TRIM29: variants seen among roughly 807,000 people sequenced by gnomAD.
TRIM29 encodes tripartite motif-containing protein 29.
Under a neutral mutation model 57.3 loss-of-function variants are expected in TRIM29, and 52 were observed. The ratio of observed to expected loss-of-function variants is 0.91; its 90% CI spans 0.73 to 1.14. The LOEUF (loss-of-function observed/expected upper bound fraction) is 1.14. Among genes scored for constraint, TRIM29 ranks in the 50% most tolerant of loss-of-function variants. The pLI is 0.00. For missense variants in TRIM29, 753 were observed against 774.6 expected (o/e 0.97, Z 0.33); for synonymous variants, 319 against 316.9 (o/e 1.01, Z -0.07).
At chr11:120,131,583 G>C (rs1229251011) in intron 1 of TRIM29, among the ~76,000 whole-genome samples, 1 of 151,968 alleles carries the variant, frequency 6.6e-6, no homozygotes, top group African/African-American at 2.4e-5. Flanking sequence ...AAGGGGCCTT[G>C]TTCCCACAGC....
chr11:120,113,915 C>T (rs1393963725), intron 8 of TRIM29, among the ~76,000 whole-genome samples: 1 of 152,184 alleles, frequency 6.6e-6, no homozygotes, highest in East Asian at 1.9e-4. Flanking sequence ...GGGCAAAATG[C>T]TACCTTCACC....
Position 120,137,387 on chromosome 11 carries a change from C to A in TRIM29, c.645G>T (p.Glu215Asp). ...GAAFRDHQLL[E>D]PIRDFEARKC... ...TGCGGGCCTCAAAGTCCCGGATGGG[C>A]TCGAGCAGCTGGTGGTCTCGGAAGG... Residue 215 changes from glutamate (E) to aspartate (D), a missense_variant, in exon 1 of 9, where the codon GAG (glutamate) becomes GAT (aspartate). Physicochemically the swap from Glu to Asp is conservative, Grantham distance 45. Transcript: ENST00000341846. The surrounding 1 kb of genome is among the most constrained non-coding windows in gnomAD (Gnocchi z 6.2). 1 of 1,613,086 alleles carries A rather than the reference C, an allele frequency of 6.2e-7. No individual in the cohort carries two copies. Among genetic ancestry groups the A allele is most frequent in the African/African-American group, 1.3e-5 (1 of 75,044 alleles).
At position 120,127,527 on chromosome 11, in the gene TRIM29, G is replaced by A. The variant is rs149975655; in HGVS notation, c.943C>T (p.Arg315Trp). 7.4e-5 allele frequency: 120 copies of A among 1,614,036 alleles called. No individual in the cohort carries two copies. Among genetic ancestry groups the A allele is most frequent in the South Asian group, 3.3e-4 (30 of 91,078 alleles). Residue 315 changes from arginine (R) to tryptophan (W), a missense_variant, in exon 3 of 9, where the codon CGG becomes TGG. Physicochemically the swap from Arg to Trp is moderately radical, Grantham distance 101. Coordinates refer to ENST00000341846, the MANE Select transcript of TRIM29 (RefSeq NM_012101.4). ...TTCTCCAGGTCCCGCACCAGGTCCC[G>A]GAAGTTCTGCTCCAGGATGGCCTTC... ...NEKAILEQNF[R>W]DLVRDLEKQK... is the part of the protein sequence containing the mutation.
chr11:120,115,554 G>T, intron 7 of TRIM29, 140 bp from the exon 8 acceptor site: 1 of 711,254 alleles, frequency 1.4e-6, no homozygotes, highest in Non-Finnish European at 2.3e-6. Context: ...GTCTGAACAC[G>T]CGTGCAGCAG....
At chr11:120,130,303 C>A (rs1244452783) in intron 1 of TRIM29, among the ~76,000 whole-genome samples, 1 of 152,184 alleles carries the variant, frequency 6.6e-6, no homozygotes, top group African/African-American at 2.4e-5. Context: ...GCTGGAGACC[C>A]CCAACCTCCT....
In TRIM29 at chr11:120,118,304, C is replaced by G; in HGVS notation, c.1546G>C (p.Val516Leu). Reference sequence around the variant, plus strand: ...TGAATGCTGGAGGAGTACTCCCAGACCCGGGAGGTGTAGTTACCTGGCAGG... The same window carrying G: ...TGAATGCTGGAGGAGTACTCCCAGAGCCGGGAGGTGTAGTTACCTGGCAGG... ...YGTKGNYTSR[V>L]WEYSSSIQNS... Residue 516 changes from valine to leucine, a missense_variant, in exon 7 of 9, where the codon GTC (valine) becomes CTC (leucine). By Grantham distance (32) the Val-to-Leu change is conservative (BLOSUM62 1). Transcript: ENST00000341846. The G allele has an allele frequency of 1.2e-6, 2 of 1,613,328 alleles. No individual in the cohort carries two copies. Among genetic ancestry groups the G allele is most frequent in the Non-Finnish European group, 1.7e-6 (2 of 1,179,602 alleles).
At chr11:120,127,627 A>G in intron 2 of TRIM29, 58 bp from the exon 3 acceptor site, 1 of 1,492,048 alleles carries the variant, frequency 6.7e-7, no homozygotes, top group East Asian at 2.3e-5. Flanking sequence ...GAAAGAAATC[A>G]CCCTAGTCGG....
intron 6 of TRIM29, among the ~76,000 whole-genome samples, chr11:120,119,485 A>T (rs1863378805): frequency 6.6e-6 from 1 of 152,194 alleles, no homozygotes; most frequent in Non-Finnish European, 1.5e-5. Context: ...GGGTTCCGCG[A>T]GGCCAGACAC....
intron 4 of TRIM29, chr11:120,125,388 A>G: frequency 2.2e-5 from 9 of 403,460 alleles, no homozygotes; most frequent in East Asian, 9.1e-5. Flanking sequence ...TGTAGATCTG[A>G]ACGAAACCAG....
At chr11:120,115,286 A>G in intron 8 of TRIM29, 52 bp downstream of exon 8, 1 of 1,576,884 alleles carries the variant, frequency 6.3e-7, no homozygotes, top group East Asian at 2.2e-5. Flanking sequence ...AGCCCCCTTC[A>G]GTGCCCAGGT....
Position 120,120,589 on chromosome 11 carries a change from A to G in TRIM29, c.1512T>C (p.Asn504=), listed in dbSNP as rs377069010. ...TKETTQKNFN[N]LYGTKGNYTS... ...ACCACCTACCTTTGGTGCCATAGAG[A>G]TTGTTGAAATTCTTCTGGGTGGTCT... Residue 504 remains asparagine, a synonymous_variant, in exon 6 of 9, where the codon AAT becomes AAC. Transcript: ENST00000341846. 1.2e-4 allele frequency: 198 copies of G among 1,613,162 alleles called. No homozygotes were observed. In the South Asian group the frequency reaches 1.8e-3, roughly 14 times the overall value.
intron 1 of TRIM29, among the ~76,000 whole-genome samples, chr11:120,134,898 T>A (rs1324201407): frequency 6.6e-6 from 1 of 152,206 alleles, no homozygotes; most frequent in Non-Finnish European, 1.5e-5. Context: ...AATACTCTGT[T>A]GGCCCGGCAT....
At chr11:120,118,716 C>T (rs1863352365) in intron 6 of TRIM29, 1 of 181,520 alleles carries the variant, frequency 5.5e-6, no homozygotes, top group South Asian at 1.2e-4. Context: ...GACACTCCAT[C>T]TTCTCTCCTG....
intron 1 of TRIM29, 59 bp from the exon 2 acceptor site, chr11:120,128,554 G>T: frequency 6.4e-7 from 1 of 1,564,632 alleles, no homozygotes; most frequent in South Asian, 1.1e-5. Flanking sequence ...GAGAACCAGA[G>T]AACCAGGGAG....
At chr11:120,131,381 G>T (rs1863719450) in intron 1 of TRIM29, among the ~76,000 whole-genome samples, 1 of 152,258 alleles carries the variant, frequency 6.6e-6, no homozygotes, top group African/African-American at 2.4e-5. Flanking sequence ...AGGGAAGAGG[G>T]CAATAGGGCT....
At chr11:120,118,189 G>T in intron 7 of TRIM29, 34 bp downstream of exon 7, 2 of 1,584,596 alleles carry the variant, frequency 1.3e-6, no homozygotes, top group South Asian at 1.1e-5. Context: ...AGGCAGCTGT[G>T]GAGGAAAGCA....
chr11:120,112,784 C>T (rs1317959109), intron 8 of TRIM29, among the ~76,000 whole-genome samples: 2 of 152,198 alleles, frequency 1.3e-5, no homozygotes, highest in African/African-American at 4.8e-5. Context: ...CCTCCAGCGC[C>T]ACCACAGCTA....
intron 3 of TRIM29, among the ~76,000 whole-genome samples, chr11:120,126,909 G>A (rs942521725): frequency 6.6e-6 from 1 of 152,196 alleles, no homozygotes; most frequent in African/African-American, 2.4e-5. Context: ...TGGGCATGCA[G>A]TAGTATCTAA....
intron 1 of TRIM29, among the ~76,000 whole-genome samples, chr11:120,136,837 G>A (rs573565543): frequency 8.5e-5 from 13 of 152,048 alleles, no homozygotes; most frequent in Non-Finnish European, 1.8e-4. Flanking sequence ...AGAAGAGGAA[G>A]AGGGAGAAGG....
Sources: allele counts gnomAD v4.1 joint callset (sites outside exome capture counted in the v4.1 genomes callset), GRCh38; gene constraint gnomAD v4.1.1; non-coding constraint Gnocchi (gnomAD v3.1); transcripts MANE v1.5; gene names NCBI Gene and HGNC (gene_info 2026-07-23, HGNC 2026-07-21).